Variants in CLEC20A observed in about 807,000 individuals in gnomAD.
The protein encoded by CLEC20A is C-type lectin domain containing 20A, also known as putative C-type lectin domain family 20 member A.
intron 3 of CLEC20A, among the ~76,000 whole-genome samples, chr1:178,491,177 C>G (rs1649257414): frequency 2.0e-5 from 3 of 152,136 alleles, no homozygotes; most frequent in African/African-American, 7.2e-5. Flanking sequence ...TAGGACAGGC[C>G]CAGCCTACCC....
chr1:178,490,351 G>A (rs981911955), exon 4 of CLEC20A: 4 of 398,570 alleles, frequency 1.0e-5, no homozygotes, highest in Non-Finnish European at 1.8e-5. Flanking sequence ...AGATCCGTGT[G>A]GTGGCTGCGG....
At chr1:178,499,430 C>T (rs765741204), upstream of CLEC20A, 2 of 152,196 alleles carry the variant, frequency 1.3e-5, no homozygotes, top group Non-Finnish European at 2.9e-5. Context: ...AGGCAAGACA[C>T]ACCCTCAATC....
At chr1:178,491,376 A>G (rs759285325) in intron 3 of CLEC20A, among the ~76,000 whole-genome samples, 1 of 152,210 alleles carries the variant, frequency 6.6e-6, no homozygotes, top group African/African-American at 2.4e-5. Flanking sequence ...AAACTCGGAC[A>G]TGAGCCTTTC....
At chr1:178,490,511 G>A (rs893411533) in intron 3 of CLEC20A, 74 bp from the exon 4 acceptor site, 1 of 397,918 alleles carries the variant, frequency 2.5e-6, no homozygotes, top group Non-Finnish European at 4.4e-6. Flanking sequence ...ATCACCCTTG[G>A]GGATAGAATT....
At chr1:178,492,110 C>G (rs958688886) in intron 3 of CLEC20A, among the ~76,000 whole-genome samples, 1 of 146,738 alleles carries the variant, frequency 6.8e-6, no homozygotes, top group Non-Finnish European at 1.5e-5. Context: ...ATGGCAAAAC[C>G]CCATCTCTAC....
rs916885511 is a variant in CLEC20A, at chr1:178,486,589, T to C, written c.928+1912A>G. 4.5e-5 allele frequency: 18 copies of C among 398,426 alleles called. 1 individual carries two copies. In the Admixed American group the frequency reaches 6.6e-4, roughly 15 times the overall value. The allele number at this position is 398,426 out of a possible 1,614,324, so 24.7% of individuals were successfully genotyped here. A position where few individuals can be genotyped will look rare whatever the true frequency, so the allele number is the denominator to read the frequency against. ...TTCTTTGGTCCCCAGAGAGCTCCCT[T>C]GAGCCTGGGAGCCGAGGCCCCGGCT... On this transcript the variant is annotated intron_variant, in intron 5 of 7. Transcript: ENST00000623247.
intron 7 of CLEC20A, chr1:178,481,555 A>G (rs1648987062): frequency 6.6e-6 from 1 of 152,202 alleles, no homozygotes; most frequent in African/African-American, 2.4e-5. Context: ...AGTATTTAGG[A>G]ACAATTCTTC....
At chr1:178,488,894 A>G (rs1649213670) in intron 4 of CLEC20A, among the ~76,000 whole-genome samples, 1 of 152,220 alleles carries the variant, frequency 6.6e-6, no homozygotes, top group African/African-American at 2.4e-5. Flanking sequence ...AAATCCACAG[A>G]AACAGAAAAT....
chr1:178,490,633 C>T (rs1034881414), intron 3 of CLEC20A, among the ~76,000 whole-genome samples, 196 bp from the exon 4 acceptor site: 3 of 152,214 alleles, frequency 2.0e-5, no homozygotes, highest in African/African-American at 7.2e-5. Flanking sequence ...GATAGTATAG[C>T]AGCAGGTGGG....
At chr1:178,489,293 G>T (rs1002362780) in intron 4 of CLEC20A, among the ~76,000 whole-genome samples, 2 of 152,066 alleles carry the variant, frequency 1.3e-5, no homozygotes, top group Non-Finnish European at 2.9e-5. Context: ...AACCCAGGAG[G>T]TGGAGGCTGC....
intron 5 of CLEC20A, among the ~76,000 whole-genome samples, chr1:178,486,105 C>G (rs1360011918): frequency 6.6e-6 from 1 of 152,206 alleles, no homozygotes; most frequent in Non-Finnish European, 1.5e-5. Flanking sequence ...CTGTCAGACT[C>G]TTGCTTTTAG....
At chr1:178,480,455 T>G (rs1417649904) in intron 7 of CLEC20A, 1 of 152,220 alleles carries the variant, frequency 6.6e-6, no homozygotes, top group Non-Finnish European at 1.5e-5. Flanking sequence ...TGAGGAGTGC[T>G]GAAGGGCCCA....
intron 1 of CLEC20A, chr1:178,496,542 G>A (rs749668598): frequency 1.1e-4 from 26 of 238,678 alleles, no homozygotes; most frequent in Non-Finnish European, 2.4e-5. Context: ...CCCCCACAAC[G>A]CCCGTCCCTG....
At chr1:178,485,355 T>A (rs974769705) in intron 5 of CLEC20A, among the ~76,000 whole-genome samples, 1 of 152,002 alleles carries the variant, frequency 6.6e-6, no homozygotes, top group Non-Finnish European at 1.5e-5. Context: ...TTTCTCCTCA[T>A]CCCCTGCCAC....
chr1:178,496,450 T>G (rs1043745201), intron 1 of CLEC20A: 1 of 157,314 alleles, frequency 6.4e-6, no homozygotes, highest in Non-Finnish European at 1.4e-5. Context: ...TTTTCCTGGC[T>G]TTCTTGGTGG....
chr1:178,486,614 T>A, intron 5 of CLEC20A: 1 of 398,644 alleles, frequency 2.5e-6, no homozygotes, highest in Non-Finnish European at 4.4e-6. Context: ...AGGCCCCGGC[T>A]GGATGTGGCA....
At chr1:178,487,232 C>G (rs1445535359) in intron 5 of CLEC20A, among the ~76,000 whole-genome samples, 5 of 152,218 alleles carry the variant, frequency 3.3e-5, no homozygotes, top group African/African-American at 1.2e-4. Context: ...AACCCAATAG[C>G]GCGGCCCAGG....
chr1:178,487,218 C>A (rs936102177), intron 5 of CLEC20A, among the ~76,000 whole-genome samples: 1 of 152,210 alleles, frequency 6.6e-6, no homozygotes, highest in African/African-American at 2.4e-5. Flanking sequence ...GGGAGGGCCT[C>A]CTGAACCCAA....
intron 5 of CLEC20A, chr1:178,486,667 C>CG: frequency 2.5e-6 from 1 of 398,626 alleles, no homozygotes; most frequent in Non-Finnish European, 4.4e-6. Context: ...TGGGGCATCG[C>CG]GGGTGGCATC....
Sources: allele counts gnomAD v4.1 joint callset (sites outside exome capture counted in the v4.1 genomes callset), GRCh38; gene constraint gnomAD v4.1.1; transcripts MANE v1.5; gene names NCBI Gene and HGNC (gene_info 2026-07-23, HGNC 2026-07-21).